RABGAP1L: variants seen among roughly 807,000 people sequenced by gnomAD.
RABGAP1L encodes rab GTPase-activating protein 1-like.
RABGAP1L carries 63 observed loss-of-function variants against 137.7 expected under a neutral mutation model. The ratio of observed to expected loss-of-function variants is 0.46; its 90% confidence interval spans 0.37 to 0.56. The LOEUF (loss-of-function observed/expected upper bound fraction) is 0.56. Among genes scored for constraint, RABGAP1L ranks in the 20% least tolerant of loss-of-function variants. RABGAP1L has a pLI of 0.00. For synonymous variants in RABGAP1L, 431 were observed against 433.7 expected, an observed-to-expected ratio of 0.99 and a Z score of 0.08; for missense variants, 1,095 against 1,244.0, an observed-to-expected ratio of 0.88 and a Z score of 1.80.
chr1:174,276,247 C>T (rs1674989946), intron 9 of RABGAP1L, among the ~76,000 whole-genome samples: 1 of 152,152 alleles, frequency 6.6e-6, no homozygotes, highest in Non-Finnish European at 1.5e-5. Flanking sequence ...TCAAGCAATC[C>T]TCCCACCTCA....
At chr1:174,919,105 G>A (rs537282233) in intron 19 of RABGAP1L, among the ~76,000 whole-genome samples, 16 of 149,106 alleles carry the variant, frequency 1.1e-4, no homozygotes, top group Non-Finnish European at 1.6e-4. Flanking sequence ...TGCAACCTCC[G>A]CCTCCCAGGT....
chr1:174,374,447 G>A (rs1463156626), intron 12 of RABGAP1L, among the ~76,000 whole-genome samples: 1 of 152,020 alleles, frequency 6.6e-6, no homozygotes, highest in Non-Finnish European at 1.5e-5. Flanking sequence ...ATTCTTTCTA[G>A]TATAGCAAAA....
chr1:174,770,186 T>G (rs1019543625), intron 18 of RABGAP1L, among the ~76,000 whole-genome samples: 1 of 152,232 alleles, frequency 6.6e-6, no homozygotes, highest in Non-Finnish European at 1.5e-5. Flanking sequence ...CTGGATCATT[T>G]GTTACTTGAA....
chr1:174,623,544 A>T (rs940212185), intron 13 of RABGAP1L, among the ~76,000 whole-genome samples: 1 of 152,190 alleles, frequency 6.6e-6, no homozygotes, highest in Non-Finnish European at 1.5e-5. Flanking sequence ...AGAAGCACCA[A>T]ATATGGAGCT....
At chr1:174,816,506 T>G (rs1690431954) in intron 19 of RABGAP1L, among the ~76,000 whole-genome samples, 1 of 152,146 alleles carries the variant, frequency 6.6e-6, no homozygotes. Flanking sequence ...TTGATCTGAT[T>G]ACCTGTTTTT....
rs1442302787 is a variant in RABGAP1L at position 174,349,639 on chromosome 1, C to T, written c.1466-21340C>T. Among the ~76,000 whole-genome samples the T allele has an allele frequency of 1.5e-5, 2 of 134,452 alleles. 1 individual carries two copies. Among genetic ancestry groups the T allele is most frequent in the Non-Finnish European group, 3.3e-5 (2 of 60,764 alleles). The allele number at this position is 134,452 out of a possible 152,430, so 88.2% of individuals were successfully genotyped here. A position where few individuals can be genotyped will look rare whatever the true frequency, so the allele number is the denominator to read the frequency against. On this transcript the variant is annotated intron_variant, in intron 11 of 25. Transcript: ENST00000681986. ...GGCGGCTGGCCGGGTGGGGGGCTGA[C>T]CCCCCCACCTCCCTCCCGGACGAGG...
In RABGAP1L at chr1:174,738,026, C is replaced by G. The variant is rs554889469; in HGVS notation, c.2170-14287C>G. Among the ~76,000 whole-genome samples the G allele has an allele frequency of 2.0e-5, 3 of 152,270 alleles. No homozygotes were observed. The East Asian group carries it at 5.8e-4, about 29-fold the overall frequency. ...GTCCCCCCTTCAATGTTGGGGATAA[C>G]ATTTTGACATAAGATTTGGAAGGGA... is the stretch of plus-strand genomic sequence containing the variant. On this transcript the variant is annotated intron_variant, in intron 17 of 25. Coordinates refer to ENST00000681986, the MANE Select transcript of RABGAP1L (RefSeq NM_001366446.1).
intron 20 of RABGAP1L, among the ~76,000 whole-genome samples, chr1:174,958,990 T>C (rs1214613378): frequency 6.6e-6 from 1 of 152,242 alleles, no homozygotes; most frequent in Non-Finnish European, 1.5e-5. Context: ...CTACAGATTA[T>C]GCAATTATTA....
chr1:174,408,011 A>G (rs146041745), intron 13 of RABGAP1L, among the ~76,000 whole-genome samples: 3 of 152,324 alleles, frequency 2.0e-5, no homozygotes, highest in Admixed American at 2.0e-4. Context: ...CATAGTATGT[A>G]CTACATTTAA....
chr1:174,686,648 C>CTTTTTTTTTTTTTTTTTT lies in RABGAP1L; in HGVS notation c.1899+3062_1899+3079dup, dbSNP rs533716511. Among the ~76,000 whole-genome samples the CTTTTTTTTTTTTTTTTTT allele has an allele frequency of 5.7e-5, 6 of 105,770 alleles. 2 individuals are homozygous for CTTTTTTTTTTTTTTTTTT. Among genetic ancestry groups the CTTTTTTTTTTTTTTTTTT allele is most frequent in the Non-Finnish European group, 4.2e-5 (2 of 47,678 alleles). The allele number at this position is 105,770 out of a possible 152,430, so 69.4% of individuals were successfully genotyped here. On this transcript the variant is annotated intron_variant, in intron 15 of 25. Transcript: ENST00000681986. ...GAAGCTTTGGTTTGAACAAAGCAATCTTTTTTTTTTTTTTTTTTTTTTTTT... is the reference window on the plus strand; with the variant it reads ...GAAGCTTTGGTTTGAACAAAGCAATCTTTTTTTTTTTTTTTTTTTTTTTTTTTTTTTTTTTTTTTTTTT...
intron 18 of RABGAP1L, among the ~76,000 whole-genome samples, chr1:174,758,134 T>C (rs1156250911): frequency 6.6e-6 from 1 of 152,214 alleles, no homozygotes; most frequent in East Asian, 1.9e-4. Flanking sequence ...AGTATCTTAC[T>C]TGATCCTTCA....
intron 1 of RABGAP1L, among the ~76,000 whole-genome samples, chr1:174,175,774 C>T (rs1665796832): frequency 1.3e-5 from 2 of 151,902 alleles, no homozygotes; most frequent in Admixed American, 6.6e-5. Context: ...TACAGGCACC[C>T]ACCATCATGC....
chr1:174,903,938 GAA>G (rs1658573640), intron 19 of RABGAP1L, among the ~76,000 whole-genome samples: 1 of 140,482 alleles, frequency 7.1e-6, no homozygotes, highest in African/African-American at 2.6e-5. Flanking sequence ...CAACAAGAGC[GAA>G]ACTCTGTCTC....
In RABGAP1L at chr1:174,937,626, A is replaced by ATATATATATATATATATATG. The variant is rs1016236065; in HGVS notation, c.2341-19822_2341-19821insATATATATATGTATATATAT. ...AATAGCAATACTTCATTAAATATAT[A>ATATATATATATATATATATG]TATATATATCTTGCAGTTAGAAACT... On this transcript the variant is annotated intron_variant, in intron 19 of 25. Coordinates refer to ENST00000681986, the MANE Select transcript of RABGAP1L (RefSeq NM_001366446.1). Among the ~76,000 whole-genome samples the ATATATATATATATATATATG allele has an allele frequency of 1.3e-4, 18 of 134,960 alleles. 1 individual carries two copies. Among genetic ancestry groups the ATATATATATATATATATATG allele is most frequent in the African/African-American group, 5.7e-4 (18 of 31,678 alleles). 88.5% of individuals were successfully genotyped at this position (134,960 alleles called of 152,430 possible).
intron 18 of RABGAP1L, among the ~76,000 whole-genome samples, chr1:174,783,546 C>T (rs545015048): frequency 6.6e-6 from 1 of 152,212 alleles, no homozygotes; most frequent in East Asian, 1.9e-4. Context: ...CTTCATTATT[C>T]AAGTTAATGC....
chr1:174,602,196 A>G (rs1366445789), intron 13 of RABGAP1L, among the ~76,000 whole-genome samples: 1 of 152,208 alleles, frequency 6.6e-6, no homozygotes, highest in Admixed American at 6.5e-5. Context: ...TATGCTGCTA[A>G]TAAAGACATA....
At chr1:174,955,024 A>G (rs540538302) in intron 19 of RABGAP1L, among the ~76,000 whole-genome samples, 4 of 152,350 alleles carry the variant, frequency 2.6e-5, no homozygotes, top group African/African-American at 9.6e-5. Context: ...TTGTTAACAC[A>G]TGATTGTGTA....
At chr1:174,258,320 T>C (rs1027079725) in intron 7 of RABGAP1L, among the ~76,000 whole-genome samples, 1 of 152,238 alleles carries the variant, frequency 6.6e-6, no homozygotes, top group African/African-American at 2.4e-5. Context: ...GGTCTCACTC[T>C]GTCACCCAGC....
At chr1:174,227,192 C>G (rs1269599769) in intron 3 of RABGAP1L, among the ~76,000 whole-genome samples, 1 of 151,166 alleles carries the variant, frequency 6.6e-6, no homozygotes, top group Non-Finnish European at 1.5e-5. Flanking sequence ...AAAAAGCTGA[C>G]CATTTACTTT....
Sources: allele counts gnomAD v4.1 joint callset (sites outside exome capture counted in the v4.1 genomes callset), GRCh38; gene constraint gnomAD v4.1.1; transcripts MANE v1.5; gene names NCBI Gene and HGNC (gene_info 2026-07-23, HGNC 2026-07-21).